The following CPQ variants were observed in gnomAD, a reference collection of about 807,000 sequenced individuals.
CPQ encodes carboxypeptidase Q, also known as Ser-Met dipeptidase.
In CPQ, 37 loss-of-function variants were observed where a neutral mutation model predicts 45.7. The observed-to-expected ratio is 0.81, with a 90% confidence interval of 0.62 to 1.07. The LOEUF (loss-of-function observed/expected upper bound fraction) is 1.07. Ranked by LOEUF, CPQ falls within the 50% of genes least tolerant of loss-of-function variation. CPQ has a pLI of 0.00. For missense variants in CPQ, 537 were observed against 572.9 expected (o/e 0.94, Z 0.64); for synonymous variants, 186 against 205.8 (o/e 0.90, Z 0.82).
chr8:96,841,416 T>C (rs951231738), intron 3 of CPQ, among the ~76,000 whole-genome samples: 10 of 152,220 alleles, frequency 6.6e-5, no homozygotes, highest in African/African-American at 2.2e-4. Flanking sequence ...TATTAGCCCA[T>C]GTAAAATATA....
chr8:96,859,471 C>T (rs1586429032), intron 3 of CPQ, among the ~76,000 whole-genome samples: 1 of 152,134 alleles, frequency 6.6e-6, no homozygotes, highest in East Asian at 1.9e-4. Context: ...AGCAGCTTCC[C>T]TCTGCCTGAA....
intron 4 of CPQ, among the ~76,000 whole-genome samples, chr8:96,933,946 C>T (rs903552312): frequency 2.6e-5 from 4 of 152,138 alleles, no homozygotes; most frequent in African/African-American, 7.2e-5. Context: ...TGCTACGTAC[C>T]GCTACCACAA....
At chr8:96,770,992 G>A (rs1563492764) in intron 1 of CPQ, among the ~76,000 whole-genome samples, 1 of 148,558 alleles carries the variant, frequency 6.7e-6, no homozygotes, top group African/African-American at 2.4e-5. Context: ...GTCTTGAGCT[G>A]TTGTAACAAA....
At chr8:96,678,246 G>T (rs570715133) in intron 1 of CPQ, among the ~76,000 whole-genome samples, 1 of 152,040 alleles carries the variant, frequency 6.6e-6, no homozygotes, top group Non-Finnish European at 1.5e-5. Context: ...CATTGAATCC[G>T]TATATTGCTT....
rs116530886 is a variant in CPQ, at chr8:96,934,946, A to G, written c.850-30989A>G. On this transcript the variant is annotated intron_variant, in intron 4 of 7. Transcript: ENST00000220763. ...TATGCAGCCTACATTTCTCTCTACC[A>G]TACATTTTGATTACTTAACCTAGGA... Among the ~76,000 whole-genome samples the G allele has an allele frequency of 2.4e-3, 358 of 152,286 alleles. 1 individual carries two copies. Among genetic ancestry groups the G allele is most frequent in the African/African-American group, 8.3e-3 (343 of 41,564 alleles).
At chr8:96,832,735 G>T (rs1443152262) in intron 2 of CPQ, among the ~76,000 whole-genome samples, 2 of 152,166 alleles carry the variant, frequency 1.3e-5, no homozygotes, top group East Asian at 3.9e-4. Flanking sequence ...GTGGGAAAAG[G>T]TGTCTGTATA....
At chr8:97,095,748 G>C (rs1811200672) in intron 7 of CPQ, among the ~76,000 whole-genome samples, 1 of 152,162 alleles carries the variant, frequency 6.6e-6, no homozygotes, top group Non-Finnish European at 1.5e-5. Context: ...GCTTAGCACA[G>C]AGAGCGTCTT....
chr8:96,977,261 G>A (rs190141215), intron 5 of CPQ, among the ~76,000 whole-genome samples: 1 of 151,288 alleles, frequency 6.6e-6, no homozygotes, highest in Non-Finnish European at 1.5e-5. Flanking sequence ...CACTAATAAT[G>A]AGGGAAATGC....
At chr8:97,081,273 C>G (rs993903811) in intron 7 of CPQ, among the ~76,000 whole-genome samples, 2 of 152,156 alleles carry the variant, frequency 1.3e-5, no homozygotes, top group Non-Finnish European at 2.9e-5. Context: ...ATTCCAGACT[C>G]ACTACTCCTC....
At chr8:96,890,275 TAGG>T (rs879441264) in intron 4 of CPQ, among the ~76,000 whole-genome samples, 4 of 152,200 alleles carry the variant, frequency 2.6e-5, no homozygotes, top group Admixed American at 6.5e-5. Context: ...TTAACAAAAT[TAGG>T]AGGAAATATT....
intron 5 of CPQ, among the ~76,000 whole-genome samples, chr8:97,002,378 A>G (rs1449826167): frequency 6.6e-6 from 1 of 151,948 alleles, no homozygotes; most frequent in Non-Finnish European, 1.5e-5. Flanking sequence ...AGATCTTTCT[A>G]TCTTTTGGAT....
rs542184473 is a variant in CPQ at position 97,120,538 on chromosome 8, C to T, written c.1256-22482C>T. On this transcript the variant is annotated intron_variant, in intron 7 of 7. Transcript: ENST00000220763. Reference sequence around the variant, plus strand: ...GCCACATTCCTTTACTGATCTATTGCCACTAGTGCAGTTCCAATAAAATCT... The same window carrying T: ...GCCACATTCCTTTACTGATCTATTGTCACTAGTGCAGTTCCAATAAAATCT... 3.9e-5 allele frequency among the ~76,000 whole-genome samples: 6 copies of T among 152,300 alleles called. No homozygotes were observed. In the East Asian group the frequency reaches 1.2e-3, roughly 29 times the overall value.
intron 4 of CPQ, among the ~76,000 whole-genome samples, chr8:96,926,868 C>A (rs904017839): frequency 6.6e-6 from 1 of 151,980 alleles, no homozygotes; most frequent in Admixed American, 6.6e-5. Flanking sequence ...TGATGTTCCC[C>A]TCCCTGTGTC....
At chr8:96,859,992 C>T (rs979302643) in intron 3 of CPQ, among the ~76,000 whole-genome samples, 1 of 152,130 alleles carries the variant, frequency 6.6e-6, no homozygotes, top group Non-Finnish European at 1.5e-5. Context: ...ATTTAAATCT[C>T]AGGGGCTGAG....
chr8:97,143,309 T>C lies in CPQ; in HGVS notation c.*126T>C. On this transcript the variant is annotated 3_prime_UTR_variant, in exon 8 of 8. Coordinates refer to ENST00000220763, the MANE Select transcript of CPQ (RefSeq NM_016134.4). ...TCAAAGCACAACTCTATTTCATGCT[T>C]TCTGTTATTATCTTTCTTGATACTT... The C allele has an allele frequency of 1.1e-6, 1 of 879,078 alleles. No homozygotes were observed. Among genetic ancestry groups the C allele is most frequent in the Non-Finnish European group, 1.7e-6 (1 of 581,450 alleles). The allele number at this position is 879,078 out of a possible 1,614,324, so 54.5% of individuals were successfully genotyped here. A position where few individuals can be genotyped will look rare whatever the true frequency, so the allele number is the denominator to read the frequency against.
At position 97,110,386 on chromosome 8, in the gene CPQ, C is replaced by CT. The variant is rs1328915066; in HGVS notation, c.1256-32627dup. On this transcript the variant is annotated intron_variant, in intron 7 of 7. Coordinates refer to ENST00000220763, the MANE Select transcript of CPQ (RefSeq NM_016134.4). ...ATTTTCCTGTTAAATGCATATTTAA[C>CT]TTTTTTTCAGTTTTTGGCATTTATG... Among the ~76,000 whole-genome samples the CT allele has an allele frequency of 5.3e-5, 8 of 152,232 alleles. No individual in the cohort carries two copies. In the South Asian group the frequency reaches 6.2e-4, roughly 12 times the overall value.
chr8:97,077,327 T>C (rs1810865617), intron 7 of CPQ, among the ~76,000 whole-genome samples: 1 of 152,220 alleles, frequency 6.6e-6, no homozygotes, highest in African/African-American at 2.4e-5. Context: ...ATATGCAATT[T>C]ACTGGAGAGA....
rs138450446 is a variant in CPQ at position 96,748,143 on chromosome 8, T to C, written c.-34-36721T>C. Among the ~76,000 whole-genome samples the C allele has an allele frequency of 3.3e-5, 5 of 152,332 alleles. No homozygotes were observed. In the East Asian group the frequency reaches 9.6e-4, roughly 29 times the overall value. On this transcript the variant is annotated intron_variant, in intron 1 of 7. Coordinates refer to ENST00000220763, the MANE Select transcript of CPQ (RefSeq NM_016134.4). ...TGTTTCTATTTCTTTTGTGCATTAC[T>C]ACAGTAATCATCAATCTCTTCTTAT...
intron 5 of CPQ, among the ~76,000 whole-genome samples, chr8:97,011,887 T>A (rs139079622): frequency 3.2e-3 from 487 of 152,248 alleles, no homozygotes; most frequent in African/African-American, 0.011. Context: ...CATCCAATCC[T>A]TTCCTTTATT....
Sources: gnomAD v4.1 joint callset for allele counts (sites outside exome capture counted in the v4.1 genomes callset) on GRCh38, gnomAD v4.1.1 for gene constraint, MANE v1.5 for transcripts, NCBI Gene and HGNC (gene_info 2026-07-23, HGNC 2026-07-21) for gene names.